The following SLC44A5 variants were observed in gnomAD, a reference collection of about 807,000 sequenced individuals.
SLC44A5 encodes solute carrier family 44 member 5, also known as choline transporter-like protein 5.
SLC44A5 carries 57 observed loss-of-function variants against 101.8 expected under a neutral mutation model. The ratio of observed to expected loss-of-function variants is 0.56; its 90% CI spans 0.45 to 0.70. The LOEUF (loss-of-function observed/expected upper bound fraction) is 0.70, where lower values mean the gene tolerates loss of function less well. Ranked by LOEUF, SLC44A5 falls within the 30% of genes least tolerant of loss-of-function variation. The pLI, the probability that SLC44A5 is intolerant of heterozygous loss-of-function variation, is 0.00. For synonymous variants in SLC44A5, 281 were observed against 290.9 expected (o/e 0.97, Z 0.35); for missense variants, 737 against 853.1 (o/e 0.86, Z 1.70).
intron 1 of SLC44A5, among the ~76,000 whole-genome samples, chr1:75,555,135 A>C (rs1672148593): frequency 6.6e-6 from 1 of 152,144 alleles, no homozygotes; most frequent in Non-Finnish European, 1.5e-5. Flanking sequence ...GTTGAACCTC[A>C]CAGATATTGT....
At chr1:75,527,943 G>T (rs1296230248) in intron 2 of SLC44A5, among the ~76,000 whole-genome samples, 1 of 152,054 alleles carries the variant, frequency 6.6e-6, no homozygotes, top group Non-Finnish European at 1.5e-5. Flanking sequence ...CTCTGTAATT[G>T]CTCAGCTTCT....
the SLC44A5 span, chr1:75,641,588 A>G: frequency 7.1e-5 from 108 of 1,512,420 alleles, no homozygotes; most frequent in Non-Finnish European, 8.9e-5. Context: ...TTCCCCTTCA[A>G]TCAGATTACA....
At chr1:75,224,566 G>A (rs1418142257) in intron 13 of SLC44A5, among the ~76,000 whole-genome samples, 1 of 151,094 alleles carries the variant, frequency 6.6e-6, no homozygotes, top group African/African-American at 2.4e-5. Context: ...GATAATGTAT[G>A]TATTTGTGTC....
chr1:75,446,934 G>T (rs1358022632), intron 2 of SLC44A5, among the ~76,000 whole-genome samples: 1 of 152,094 alleles, frequency 6.6e-6, no homozygotes, highest in Non-Finnish European at 1.5e-5. Context: ...TCACTATTTA[G>T]ATGCAATCAT....
intron 2 of SLC44A5, among the ~76,000 whole-genome samples, chr1:75,415,604 G>A (rs568151205): frequency 1.3e-5 from 2 of 152,348 alleles, no homozygotes; most frequent in East Asian, 3.9e-4. Flanking sequence ...ACAGGCAGAG[G>A]TTGAAACAGT....
intron 3 of SLC44A5, among the ~76,000 whole-genome samples, chr1:75,356,209 CAAAAAA>C (rs35660365): frequency 2.6e-5 from 2 of 76,104 alleles, no homozygotes; most frequent in African/African-American, 5.2e-5. Context: ...AAGACTGCCT[CAAAAAA>C]AAAAAAAAAA....
intron 2 of SLC44A5, among the ~76,000 whole-genome samples, chr1:75,539,318 C>T (rs574116256): frequency 7.3e-5 from 11 of 151,108 alleles, no homozygotes; most frequent in Non-Finnish European, 1.5e-4. Context: ...CTTGTCAACT[C>T]TGTATAAGTA....
the SLC44A5 span, chr1:75,641,393 C>G: frequency 1.0e-6 from 1 of 961,802 alleles, no homozygotes; most frequent in South Asian, 1.3e-5. Flanking sequence ...TGTATATGAG[C>G]TTGATTTTTG....
intron 1 of SLC44A5, among the ~76,000 whole-genome samples, chr1:75,557,282 A>G (rs778714967): frequency 2.6e-5 from 4 of 152,140 alleles, no homozygotes; most frequent in Non-Finnish European, 4.4e-5. Flanking sequence ...TTTCATCCAG[A>G]GAAACATGGA....
intron 1 of SLC44A5, among the ~76,000 whole-genome samples, chr1:75,580,325 C>A (rs1435013513): frequency 6.6e-6 from 1 of 152,136 alleles, no homozygotes; most frequent in Admixed American, 6.5e-5. Flanking sequence ...AAATGAATTA[C>A]CACGGGGTGG....
upstream of SLC44A5, among the ~76,000 whole-genome samples, chr1:75,615,436 T>TACACACACACACACACACACACAC (rs56337760): frequency 6.0e-5 from 8 of 133,510 alleles, no homozygotes; most frequent in African/African-American, 2.4e-4. Flanking sequence ...CACACATACA[T>TACACACACACACACACACACACAC]ACACACACAC....
chr1:75,435,994 A>T (rs1449512720), intron 2 of SLC44A5, among the ~76,000 whole-genome samples: 1 of 152,180 alleles, frequency 6.6e-6, no homozygotes, highest in Non-Finnish European at 1.5e-5. Flanking sequence ...AAGAGTAGCC[A>T]TTAAAAATAA....
intron 5 of SLC44A5, among the ~76,000 whole-genome samples, chr1:75,297,959 C>G (rs942787653): frequency 1.3e-5 from 2 of 151,298 alleles, no homozygotes; most frequent in African/African-American, 4.8e-5. Context: ...CAAAACAAAA[C>G]AAAAACAACA....
the SLC44A5 span, among the ~76,000 whole-genome samples, chr1:75,673,144 GCT>G: frequency 1.3e-5 from 2 of 152,122 alleles, no homozygotes; most frequent in African/African-American, 4.8e-5. Context: ...CACCAACTGG[GCT>G]CTTGGGGTCT....
intron 2 of SLC44A5, among the ~76,000 whole-genome samples, chr1:75,467,538 G>A (rs1666888390): frequency 1.3e-5 from 2 of 152,112 alleles, no homozygotes; most frequent in South Asian, 2.1e-4. Context: ...CACACCTACA[G>A]TGAACTCATT....
intron 8 of SLC44A5, among the ~76,000 whole-genome samples, 198 bp from the exon 9 acceptor site, chr1:75,242,259 A>G (rs745431506): frequency 2.0e-5 from 3 of 152,148 alleles, no homozygotes; most frequent in African/African-American, 4.8e-5. Flanking sequence ...CTGTAATTCA[A>G]TCGGACCAAC....
At chr1:75,215,682 A>G (rs1414104146) in intron 19 of SLC44A5, 72 bp downstream of exon 19, 2 of 854,498 alleles carry the variant, frequency 2.3e-6, no homozygotes, top group East Asian at 5.1e-5. Context: ...AGTACTTTAG[A>G]GAGGGCAATG....
At chr1:75,557,737 T>A (rs6593578) in intron 1 of SLC44A5, among the ~76,000 whole-genome samples, 144,708 of 152,188 alleles carry the variant, frequency 0.95, 68,838 homozygotes, top group East Asian at 0.98. Context: ...ACTTAGTGTC[T>A]GTCCAGTATT....
In SLC44A5 at chr1:75,215,810, A is replaced by G; in HGVS notation, c.1672T>C (p.Cys558Arg). ...SKFLQCCLRC[C>R]FWCLENAIKF... ...ATTGCATTTTCCAAACACCAGAAGC[A>G]GCATCTCAGGCAGCATTGTAGGAAT... The change falls in exon 19 of 24, where the codon TGC (cysteine) becomes CGC (arginine). Residue 558 changes from cysteine to arginine, a missense_variant. Coordinates refer to ENST00000370859, the MANE Select transcript of SLC44A5 (RefSeq NM_001130058.2). 1 of 1,609,436 alleles carries G rather than the reference A, an allele frequency of 6.2e-7. No homozygotes were observed.
Sources: gnomAD v4.1 joint callset for allele counts (sites outside exome capture counted in the v4.1 genomes callset) on GRCh38, gnomAD v4.1.1 for gene constraint, MANE v1.5 for transcripts, NCBI Gene and HGNC (gene_info 2026-07-23, HGNC 2026-07-21) for gene names.